Variants in MMP16 observed in about 807,000 individuals in gnomAD.
MMP16 encodes matrix metallopeptidase 16.
In MMP16, 12 loss-of-function variants were observed where a neutral mutation model predicts 67.8. The observed-to-expected ratio is 0.18, with a 90% CI of 0.11 to 0.29. The LOEUF (loss-of-function observed/expected upper bound fraction) is 0.29. MMP16 is among the 10% of genes least tolerant of loss of function. The pLI is 1.00. For missense variants in MMP16, 475 were observed against 765.7 expected (o/e 0.62, Z 4.48); for synonymous variants, 249 against 255.9 (o/e 0.97, Z 0.26).
intron 6 of MMP16, among the ~76,000 whole-genome samples, chr8:88,094,637 C>T (rs542967047): frequency 1.9e-4 from 29 of 151,522 alleles, no homozygotes; most frequent in South Asian, 4.2e-4. Context: ...ATTTGCAATA[C>T]GTAGCTATCA....
At chr8:88,292,405 A>G (rs922223918) in intron 1 of MMP16, among the ~76,000 whole-genome samples, 3 of 152,216 alleles carry the variant, frequency 2.0e-5, no homozygotes, top group African/African-American at 4.8e-5. Context: ...CCTGATGTCC[A>G]TATACTTAAC....
At chr8:88,318,912 T>G (rs1811416016) in intron 1 of MMP16, among the ~76,000 whole-genome samples, 1 of 152,158 alleles carries the variant, frequency 6.6e-6, no homozygotes. Context: ...TGGCAGAATG[T>G]AGGTGTTTCT....
intron 4 of MMP16, among the ~76,000 whole-genome samples, chr8:88,140,892 T>G (rs1808200996): frequency 6.6e-6 from 1 of 152,060 alleles, no homozygotes; most frequent in African/African-American, 2.4e-5. Flanking sequence ...TAGGGAAAAT[T>G]TAAAACTCCA....
intron 1 of MMP16, among the ~76,000 whole-genome samples, chr8:88,249,512 A>T (rs566963505): frequency 2.1e-4 from 32 of 152,260 alleles, no homozygotes; most frequent in Non-Finnish European, 1.5e-5. Context: ...TTCTTTACAG[A>T]CAATGTCTAG....
chr8:88,268,642 C>T (rs1810517252), intron 1 of MMP16, among the ~76,000 whole-genome samples: 1 of 152,228 alleles, frequency 6.6e-6, no homozygotes, highest in Middle Eastern at 3.4e-3. Flanking sequence ...TAGCCAATAT[C>T]ACCCCAGAAG....
chr8:88,155,987 A>G (rs1808502628), intron 4 of MMP16, among the ~76,000 whole-genome samples: 1 of 152,124 alleles, frequency 6.6e-6, no homozygotes, highest in Admixed American at 6.6e-5. Flanking sequence ...GCAAAATGGA[A>G]GTAATTACAC....
intron 6 of MMP16, among the ~76,000 whole-genome samples, chr8:88,098,355 G>A (rs1228707829): frequency 2.0e-5 from 3 of 151,990 alleles, no homozygotes; most frequent in African/African-American, 7.2e-5. Context: ...TTGACTGGTT[G>A]CCCACATGGG....
intron 1 of MMP16, among the ~76,000 whole-genome samples, chr8:88,252,208 G>A (rs565666852): frequency 8.6e-5 from 13 of 151,458 alleles, no homozygotes; most frequent in East Asian, 3.9e-4. Context: ...TGTTTATTGC[G>A]GCATTATTCA....
chr8:88,214,631 T>A (rs1809560573), intron 1 of MMP16, among the ~76,000 whole-genome samples: 1 of 152,218 alleles, frequency 6.6e-6, no homozygotes, highest in Non-Finnish European at 1.5e-5. Context: ...TTATCATTTA[T>A]TTGTGATGAG....
At chr8:88,264,339 G>A (rs1479425881) in intron 1 of MMP16, among the ~76,000 whole-genome samples, 1 of 151,926 alleles carries the variant, frequency 6.6e-6, no homozygotes, top group Non-Finnish European at 1.5e-5. Context: ...ACCTGGGACT[G>A]CAGGCATGCA....
chr8:88,129,220 T>G (rs979503627), intron 4 of MMP16, among the ~76,000 whole-genome samples: 1 of 151,754 alleles, frequency 6.6e-6, no homozygotes, highest in East Asian at 1.9e-4. Context: ...AAATTAGTAA[T>G]AGAATTTAAA....
intron 1 of MMP16, among the ~76,000 whole-genome samples, chr8:88,267,775 T>C (rs2129964917): frequency 6.6e-6 from 1 of 152,310 alleles, no homozygotes; most frequent in Admixed American, 6.5e-5. Flanking sequence ...TTCTCATAAT[T>C]GTTTATTAAC....
In MMP16 at chr8:88,187,460, G is replaced by C. The variant is rs1809093610; in HGVS notation, c.282-862C>G. Among the ~76,000 whole-genome samples, 2 of 152,084 alleles carry C rather than the reference G, an allele frequency of 1.3e-5. 1 individual carries two copies. Among genetic ancestry groups the C allele is most frequent in the South Asian group, 4.1e-4 (2 of 4,838 alleles). The stretch of plus-strand genomic sequence containing the variant: ...TAGTGCGTTATAAAGTGACTTTGCT[G>C]TTTATTAGCCCCTTTATTTTAATAA... On this transcript the variant is annotated intron_variant, in intron 2 of 9. Coordinates refer to ENST00000286614, the MANE Select transcript of MMP16 (RefSeq NM_005941.5).
chr8:88,240,302 A>G (rs1810014525), intron 1 of MMP16, among the ~76,000 whole-genome samples: 1 of 152,212 alleles, frequency 6.6e-6, no homozygotes, highest in African/African-American at 2.4e-5. Context: ...TTTAGTTGCA[A>G]TCTGAAAGAT....
chr8:88,315,316 A>C (rs1027772302), intron 1 of MMP16, among the ~76,000 whole-genome samples: 1 of 152,152 alleles, frequency 6.6e-6, no homozygotes, highest in Non-Finnish European at 1.5e-5. Flanking sequence ...ATTAGATGAT[A>C]TCTGTTATGG....
chr8:88,270,058 G>A (rs1810541017), intron 1 of MMP16, among the ~76,000 whole-genome samples: 2 of 152,118 alleles, frequency 1.3e-5, no homozygotes, highest in African/African-American at 4.8e-5. Context: ...TCATATTCAA[G>A]CACTTCAACA....
intron 1 of MMP16, among the ~76,000 whole-genome samples, chr8:88,203,337 C>T (rs183872868): frequency 3.3e-5 from 5 of 152,030 alleles, no homozygotes; most frequent in Non-Finnish European, 5.9e-5. Context: ...CTCTTGACCT[C>T]GTGATCCACC....
At position 88,041,734 on chromosome 8, in the gene MMP16, T is replaced by C; in HGVS notation, c.1551A>G (p.Val517=). 1 of 1,613,868 alleles carries C rather than the reference T, an allele frequency of 6.2e-7. No homozygotes were observed. Among genetic ancestry groups the C allele is most frequent in the Non-Finnish European group, 8.5e-7 (1 of 1,179,960 alleles). Residue 517 remains valine (V), a synonymous_variant, in exon 10 of 10, where the codon GTA becomes GTG. Coordinates refer to ENST00000286614, the MANE Select transcript of MMP16 (RefSeq NM_005941.5). The surrounding 1 kb of genome is among the most constrained non-coding windows in gnomAD (Gnocchi z 6.0). ...GGATGGATCTTGGATATCCAGGTTC[T>C]ACCTTGAGTATCTGGTTGTTGAATT... The part of the protein sequence containing the change: ...YWKFNNQILK[V]EPGYPRSILK...
rs375880255 is a variant in MMP16, at chr8:88,197,161, A to G, written c.278T>C (p.Ile93Thr). The G allele has an allele frequency of 1.9e-6, 3 of 1,608,818 alleles. No homozygotes were observed. The highest frequency in any genetic ancestry group is 2.2e-5 in the East Asian group (1 of 44,608). The change falls in exon 2 of 10, where the codon ATT (isoleucine) becomes ACT (threonine). Residue 93 changes from isoleucine to threonine, a missense_variant. By Grantham distance (89) the Ile-to-Thr change is moderately conservative. Transcript: ENST00000286614. ...GAGGATGGGAGCCATTACTTACTCA[A>G]TTGTGTTTCTGTCCACTTTTCCTGT... ...NMTGKVDRNT[I>T]DWMKKPRCGV...
Sources: gnomAD v4.1 joint callset for allele counts (sites outside exome capture counted in the v4.1 genomes callset) on GRCh38, gnomAD v4.1.1 for gene constraint, Gnocchi (gnomAD v3.1) non-coding constraint, MANE v1.5 for transcripts, NCBI Gene and HGNC (gene_info 2026-07-23, HGNC 2026-07-21) for gene names.